Variants in NR6A1 observed in about 807,000 individuals in gnomAD.
The protein encoded by NR6A1 is retinoic acid receptor-related testis-associated receptor.
Under a neutral mutation model 59.1 loss-of-function variants are expected in NR6A1, and 7 were observed. That is an observed-to-expected ratio of 0.12 (90% CI 0.07 to 0.22). The LOEUF (loss-of-function observed/expected upper bound fraction) is 0.22, where lower values mean the gene tolerates loss of function less well. Ranked by LOEUF, NR6A1 falls within the 10% of genes least tolerant of loss-of-function variation. The pLI, the probability that NR6A1 is intolerant of heterozygous loss-of-function variation, is 1.00. For synonymous variants in NR6A1, 243 were observed against 236.1 expected (o/e 1.03, Z -0.27); for missense variants, 468 against 611.6 (o/e 0.77, Z 2.48).
rs1588871956 is a variant in NR6A1, at chr9:124,771,216, G to A, written c.-97C>T. On this transcript the variant is annotated 5_prime_UTR_variant, in exon 1 of 10. Transcript: ENST00000487099. ...GTCCGCCGAGGGGAGGAGGTTGTCA[G>A]GAGCCCGCGAGCTCCCGGCCGCGGC... 3 of 666,674 alleles carry A rather than the reference G, an allele frequency of 4.5e-6. No individual in the cohort carries two copies. The highest frequency in any genetic ancestry group is 6.9e-5 in the East Asian group (2 of 29,130). 41.3% of individuals were successfully genotyped at this position (666,674 alleles called of 1,614,324 possible). A position where few individuals can be genotyped will look rare whatever the true frequency, so the allele number is the denominator to read the frequency against.
intron 2 of NR6A1, among the ~76,000 whole-genome samples, chr9:124,646,117 G>C (rs1439727322): frequency 6.6e-6 from 1 of 152,134 alleles, no homozygotes; most frequent in East Asian, 1.9e-4. Context: ...TGAAAGTAGT[G>C]CTTGGAGGAA....
chr9:124,735,836 T>C (rs1386134336), intron 1 of NR6A1, among the ~76,000 whole-genome samples: 1 of 152,214 alleles, frequency 6.6e-6, no homozygotes, highest in Non-Finnish European at 1.5e-5. Flanking sequence ...GGTTCACAGA[T>C]GGTACCTTAT....
At chr9:124,543,751 G>A (rs779727564) in intron 4 of NR6A1, 51 bp downstream of exon 4, 28 of 1,443,004 alleles carry the variant, frequency 1.9e-5, no homozygotes, top group Non-Finnish European at 9.5e-6. Context: ...AGGAACAGCT[G>A]GAGCCCTGGG....
intron 2 of NR6A1, among the ~76,000 whole-genome samples, chr9:124,629,660 C>T (rs1288745579): frequency 6.6e-6 from 1 of 152,138 alleles, no homozygotes; most frequent in African/African-American, 2.4e-5. Flanking sequence ...TTGAGGTGTC[C>T]TGATTGTTTT....
chr9:124,574,271 GGTTTCAGA>G (rs1444920651), intron 2 of NR6A1, among the ~76,000 whole-genome samples: 1 of 152,120 alleles, frequency 6.6e-6, no homozygotes, highest in Non-Finnish European at 1.5e-5. Flanking sequence ...TTATGACACT[GGTTTCAGA>G]GTTTCAAGAT....
chr9:124,610,042 C>T (rs1564200512), intron 2 of NR6A1, among the ~76,000 whole-genome samples: 1 of 152,178 alleles, frequency 6.6e-6, no homozygotes, highest in Non-Finnish European at 1.5e-5. Context: ...ATCATGTCAT[C>T]TGCAAACAGA....
At chr9:124,657,950 T>C (rs1462470302) in intron 2 of NR6A1, among the ~76,000 whole-genome samples, 2 of 152,212 alleles carry the variant, frequency 1.3e-5, no homozygotes, top group African/African-American at 4.8e-5. Context: ...ACTTTTATTT[T>C]TACCTTATCA....
At chr9:124,701,359 C>T (rs1025628711) in intron 2 of NR6A1, among the ~76,000 whole-genome samples, 1 of 152,130 alleles carries the variant, frequency 6.6e-6, no homozygotes, top group Non-Finnish European at 1.5e-5. Context: ...ATGAAATGTT[C>T]TTTTACCCAT....
chr9:124,747,187 CTTT>C (rs35429356), intron 1 of NR6A1, among the ~76,000 whole-genome samples: 3 of 122,506 alleles, frequency 2.4e-5, no homozygotes, highest in African/African-American at 3.1e-5. Context: ...CCTTGTCTGA[CTTT>C]TTTTTTTTTT....
chr9:124,595,697 C>A lies in NR6A1; in HGVS notation c.143-41127G>T. On this transcript the variant is annotated intron_variant, in intron 2 of 9. Coordinates refer to ENST00000487099, the MANE Select transcript of NR6A1 (RefSeq NM_033334.4). The stretch of plus-strand genomic sequence containing the variant: ...CTCCCTCAAGGCTATTTGCTCTAAA[C>A]CTTCAAAGAAAATTTCTAACCCTTA... 7 of 992,520 alleles carry A rather than the reference C, an allele frequency of 7.1e-6. No individual in the cohort carries two copies. In the South Asian group the frequency reaches 9.3e-5, roughly 13 times the overall value. 61.5% of individuals were successfully genotyped at this position (992,520 alleles called of 1,614,324 possible). A position where few individuals can be genotyped will look rare whatever the true frequency, so the allele number is the denominator to read the frequency against.
intron 3 of NR6A1, among the ~76,000 whole-genome samples, chr9:124,548,938 G>C (rs1281428701): frequency 6.6e-6 from 1 of 151,956 alleles, no homozygotes; most frequent in Non-Finnish European, 1.5e-5. Context: ...CTCCATCACA[G>C]TCAATCCATC....
chr9:124,623,833 T>C (rs1421430060), intron 2 of NR6A1, among the ~76,000 whole-genome samples: 1 of 152,194 alleles, frequency 6.6e-6, no homozygotes, highest in African/African-American at 2.4e-5. Flanking sequence ...GAAGAATGGA[T>C]GTCTAACCAC....
chr9:124,727,952 G>A (rs557547965), intron 2 of NR6A1, among the ~76,000 whole-genome samples: 3 of 151,834 alleles, frequency 2.0e-5, no homozygotes, highest in Non-Finnish European at 4.4e-5. Context: ...CACAGTACTA[G>A]GATTACAGGT....
At chr9:124,764,298 C>T (rs1218164098) in intron 1 of NR6A1, among the ~76,000 whole-genome samples, 1 of 152,016 alleles carries the variant, frequency 6.6e-6, no homozygotes, top group Non-Finnish European at 1.5e-5. Context: ...GAGCTCTAAA[C>T]TATGGGATTA....
intron 2 of NR6A1, among the ~76,000 whole-genome samples, chr9:124,565,917 A>T (rs554197277): frequency 3.5e-4 from 54 of 152,358 alleles, no homozygotes; most frequent in African/African-American, 1.3e-3. Context: ...TCACTATTAA[A>T]GTGGAAGAGA....
At chr9:124,675,082 C>G (rs147011287) in intron 2 of NR6A1, among the ~76,000 whole-genome samples, 2 of 152,236 alleles carry the variant, frequency 1.3e-5, no homozygotes, top group Non-Finnish European at 2.9e-5. Context: ...TCTTTTCTTC[C>G]CATACTCCAC....
At chr9:124,603,761 A>G (rs1404994825) in intron 2 of NR6A1, among the ~76,000 whole-genome samples, 1 of 152,196 alleles carries the variant, frequency 6.6e-6, no homozygotes, top group Non-Finnish European at 1.5e-5. Flanking sequence ...AAGCAGCAAC[A>G]TAGGAAAGGG....
chr9:124,552,019 C>T (rs1325339280), intron 3 of NR6A1, among the ~76,000 whole-genome samples: 1 of 152,218 alleles, frequency 6.6e-6, no homozygotes, highest in Non-Finnish European at 1.5e-5. Flanking sequence ...CTCCCTGTCC[C>T]TCATACTCCG....
intron 2 of NR6A1, among the ~76,000 whole-genome samples, chr9:124,562,951 G>T (rs1834122999): frequency 6.6e-6 from 1 of 152,248 alleles, no homozygotes; most frequent in South Asian, 2.1e-4. Flanking sequence ...GATTTATAAA[G>T]GAATCTAGTC....
Sources: gnomAD v4.1 joint callset for allele counts (sites outside exome capture counted in the v4.1 genomes callset) on GRCh38, gnomAD v4.1.1 for gene constraint, MANE v1.5 for transcripts, NCBI Gene and HGNC (gene_info 2026-07-23, HGNC 2026-07-21) for gene names.